The following KANK1 variants were observed in gnomAD, a reference collection of about 807,000 sequenced individuals.
KANK1 encodes the protein KN motif and ankyrin repeat domains 1.
Under a neutral mutation model 106.2 loss-of-function variants are expected in KANK1, and 109 were observed. The ratio of observed to expected loss-of-function variants is 1.03; its 90% confidence interval spans 0.88 to 1.20. KANK1 has a LOEUF of 1.20. KANK1 is among the 50% of genes most tolerant of loss of function. The probability of loss-of-function intolerance (pLI) is 0.00; values close to 1 mark genes in which losing one functional copy is unlikely to be tolerated. For synonymous variants in KANK1, 873 were observed against 652.2 expected (o/e 1.34, Z -5.16); for missense variants, 2,399 against 1,710.7 (o/e 1.40, Z -7.10).
intron 1 of KANK1, among the ~76,000 whole-genome samples, chr9:560,943 C>T (rs550277764): frequency 2.2e-4 from 33 of 152,282 alleles, no homozygotes; most frequent in African/African-American, 7.9e-4. Context: ...AGGTTTCAGC[C>T]AACCATTTGA....
intron 1 of KANK1, among the ~76,000 whole-genome samples, chr9:518,326 C>T (rs1278265669): frequency 6.6e-6 from 1 of 151,688 alleles, no homozygotes; most frequent in African/African-American, 2.4e-5. Flanking sequence ...ATGTTGAAGT[C>T]TGTATTTAAG....
chr9:645,519 C>T (rs1839479691), intron 1 of KANK1, among the ~76,000 whole-genome samples: 1 of 149,232 alleles, frequency 6.7e-6, no homozygotes, highest in South Asian at 2.1e-4. Context: ...AAATGAAATC[C>T]CTAATGTTTA....
intron 1 of KANK1, among the ~76,000 whole-genome samples, chr9:633,539 G>C (rs562645591): frequency 2.0e-5 from 3 of 152,286 alleles, no homozygotes; most frequent in South Asian, 4.1e-4. Flanking sequence ...CTTCTCCCAA[G>C]ACTCTTAATG....
chr9:529,401 A>C (rs2059958415), intron 1 of KANK1, among the ~76,000 whole-genome samples: 1 of 150,960 alleles, frequency 6.6e-6, no homozygotes, highest in South Asian at 2.1e-4. Context: ...GGCTTTCACC[A>C]TGTTGGCCAG....
At chr9:589,420 A>G (rs954174213) in intron 1 of KANK1, among the ~76,000 whole-genome samples, 3 of 152,180 alleles carry the variant, frequency 2.0e-5, no homozygotes, top group African/African-American at 7.2e-5. Context: ...ATTTGCTGGA[A>G]AAGAAGGAGC....
At chr9:690,791 A>C (rs1044113231) in intron 2 of KANK1, among the ~76,000 whole-genome samples, 3 of 152,162 alleles carry the variant, frequency 2.0e-5, no homozygotes, top group African/African-American at 7.2e-5. Context: ...TGAAGTCTCA[A>C]AGTTCCAAAG....
At chr9:638,046 C>A (rs1332513355) in intron 1 of KANK1, among the ~76,000 whole-genome samples, 2 of 152,174 alleles carry the variant, frequency 1.3e-5, no homozygotes, top group African/African-American at 4.8e-5. Context: ...ATCCAGGTTA[C>A]ATACAGATGC....
At chr9:630,253 AAAG>A (rs1835348736) in intron 1 of KANK1, among the ~76,000 whole-genome samples, 1 of 151,450 alleles carries the variant, frequency 6.6e-6, no homozygotes, top group African/African-American at 2.4e-5. Context: ...GTCTTAAAAA[AAAG>A]AAAAAAAACG....
At chr9:732,683 G>T in intron 6 of KANK1, 66 bp downstream of exon 6, 4 of 1,558,090 alleles carry the variant, frequency 2.6e-6, no homozygotes, top group Non-Finnish European at 3.5e-6. Context: ...AATAGAGTTG[G>T]CCAGTTCAGA....
At chr9:531,536 T>G (rs2060054416) in intron 1 of KANK1, among the ~76,000 whole-genome samples, 1 of 152,184 alleles carries the variant, frequency 6.6e-6, no homozygotes, top group South Asian at 2.1e-4. Flanking sequence ...GGTCAACAAT[T>G]GCAAAGCAAA....
intron 1 of KANK1, among the ~76,000 whole-genome samples, chr9:612,430 G>C (rs923218223): frequency 1.3e-5 from 2 of 152,186 alleles, no homozygotes; most frequent in African/African-American, 4.8e-5. Flanking sequence ...GATGTCTGCT[G>C]AAATGGTGAT....
intron 1 of KANK1, among the ~76,000 whole-genome samples, chr9:575,623 A>G (rs955382979): frequency 5.3e-5 from 8 of 152,036 alleles, no homozygotes; most frequent in African/African-American, 1.9e-4. Context: ...GTTAGCCATG[A>G]TCATGTCACT....
intron 1 of KANK1, among the ~76,000 whole-genome samples, chr9:653,937 T>G (rs1336036427): frequency 1.3e-5 from 2 of 152,168 alleles, no homozygotes; most frequent in African/African-American, 4.8e-5. Flanking sequence ...ACTGCTTTCA[T>G]TTTTTGCAGA....
chr9:592,109 A>G (rs1194921441), intron 1 of KANK1, among the ~76,000 whole-genome samples: 1 of 151,824 alleles, frequency 6.6e-6, no homozygotes, highest in African/African-American at 2.4e-5. Flanking sequence ...GGGTGGTGGA[A>G]GAAATTGTAG....
At chr9:576,455 C>G (rs1424639889) in intron 1 of KANK1, among the ~76,000 whole-genome samples, 2 of 152,234 alleles carry the variant, frequency 1.3e-5, no homozygotes, top group Non-Finnish European at 2.9e-5. Context: ...ATCTTTCCCA[C>G]AGTTCCCTTG....
At chr9:512,883 A>G (rs1401347328) in intron 1 of KANK1, among the ~76,000 whole-genome samples, 1 of 152,086 alleles carries the variant, frequency 6.6e-6, no homozygotes, top group Non-Finnish European at 1.5e-5. Context: ...TTTATTAGAT[A>G]TCTTATTATT....
Position 712,380 on chromosome 9 carries a change from T to G in KANK1, c.1614T>G (p.Val538=), listed in dbSNP as rs532111195. Residue 538 remains valine, a synonymous_variant, in exon 3 of 12, where the codon GTT becomes GTG. Transcript: ENST00000382297. ...ACATGGACCTGGTGGACACGTGTGT[T>G]GGGACCTCCGTGGAAACAAACAGTG... The part of the protein sequence containing the change: ...GSHMDLVDTC[V]GTSVETNSVG... 1 of 1,614,022 alleles carries G rather than the reference T, an allele frequency of 6.2e-7. No homozygotes were observed. The highest frequency in any genetic ancestry group is 1.3e-5 in the African/African-American group (1 of 74,890).
At chr9:690,195 A>G (rs947113038) in intron 2 of KANK1, among the ~76,000 whole-genome samples, 2 of 150,142 alleles carry the variant, frequency 1.3e-5, no homozygotes, top group Non-Finnish European at 1.5e-5. Context: ...AATCCCAGCT[A>G]TTTAGGAGAC....
At chr9:722,568 C>T (rs555133194) in intron 3 of KANK1, among the ~76,000 whole-genome samples, 5 of 152,286 alleles carry the variant, frequency 3.3e-5, no homozygotes, top group South Asian at 2.1e-4. Context: ...TTGGTGCATG[C>T]GGTGCCTACA....
Sources: allele counts gnomAD v4.1 joint callset (sites outside exome capture counted in the v4.1 genomes callset), GRCh38; gene constraint gnomAD v4.1.1; transcripts MANE v1.5; gene names NCBI Gene and HGNC (gene_info 2026-07-23, HGNC 2026-07-21).